The following CEP290 variants were observed in gnomAD, a reference collection of about 807,000 sequenced individuals.
The protein encoded by CEP290 is centrosomal protein 290.
CEP290 carries 317 observed loss-of-function variants against 344.9 expected under a neutral mutation model. The ratio of observed to expected loss-of-function variants is 0.92; its 90% confidence interval spans 0.84 to 1.01. The LOEUF (loss-of-function observed/expected upper bound fraction) is 1.01, where lower values mean the gene tolerates loss of function less well. Among genes scored for constraint, CEP290 ranks in the 50% least tolerant of loss-of-function variants. CEP290 has a pLI of 0.00. For synonymous variants in CEP290, 932 were observed against 895.8 expected, an observed-to-expected ratio of 1.04 and a Z score of -0.72; for missense variants, 2,754 against 2,761.4, an observed-to-expected ratio of 1.00 and a Z score of 0.06.
rs1406032550 is a variant in CEP290, at chr12:88,117,098, C to T, written c.1759G>A (p.Asp587Asn). 1 of 1,561,372 alleles carries T rather than the reference C, an allele frequency of 6.4e-7. No homozygotes were observed. The highest frequency in any genetic ancestry group is 8.7e-7 in the Non-Finnish European group (1 of 1,149,980). The change falls in exon 18 of 54, where the codon GAT (aspartate) becomes AAT (asparagine). Residue 587 changes from aspartate (D) to asparagine (N), a missense_variant. Coordinates refer to ENST00000552810, the MANE Select transcript of CEP290 (RefSeq NM_025114.4). ...TCCAATTTTCTTTCACTTATTCTAT[C>T]TCCTTGAGAAATGTTTTCAGTTAGG... ...LNLTENISQGDRISERKLDLL... is the reference protein window; with the variant it reads ...LNLTENISQGNRISERKLDLL...
chr12:88,057,978 T>A (rs895380796), intron 49 of CEP290: 4 of 152,312 alleles, frequency 2.6e-5, no homozygotes, highest in African/African-American at 9.7e-5. Context: ...AAGATGAGTA[T>A]GCCTTTTGAA....
rs1269048571 is a variant in CEP290 at position 88,120,097 on chromosome 12, C to T, written c.1522+17G>A. The T allele has an allele frequency of 5.5e-6, 8 of 1,456,132 alleles. No individual in the cohort carries two copies. The highest frequency in any genetic ancestry group is 7.3e-6 in the Non-Finnish European group (8 of 1,100,180). 90.2% of individuals were successfully genotyped at this position (1,456,132 alleles called of 1,614,324 possible). On this transcript the variant is annotated intron_variant, in intron 15 of 53. Coordinates refer to ENST00000552810, the MANE Select transcript of CEP290 (RefSeq NM_025114.4). ...AAATCAGGTTGCGCAAACTATGTAA[C>T]TTAAAACATGGCTTACCCACACGCT... is the stretch of plus-strand genomic sequence containing the variant.
intron 18 of CEP290, chr12:88,115,724 T>C: frequency 2.2e-6 from 2 of 913,740 alleles, no homozygotes; most frequent in Non-Finnish European, 2.6e-6. Context: ...AGAGACGTCA[T>C]AAAAGAACAA....
chr12:88,115,415 G>A, intron 18 of CEP290: 1 of 1,085,122 alleles, frequency 9.2e-7, no homozygotes, highest in South Asian at 1.4e-5. Context: ...GAGGCAAAAA[G>A]ATATAACGGT....
chr12:88,138,686 T>C (rs2040472536), intron 5 of CEP290, among the ~76,000 whole-genome samples: 1 of 152,118 alleles, frequency 6.6e-6, no homozygotes, highest in Admixed American at 6.5e-5. Context: ...CATCCTCCTC[T>C]CCTAACACAA....
rs1370883149 is a variant in CEP290 at position 88,062,715 on chromosome 12, G to A, written c.6334C>T (p.Arg2112Trp). Residue 2112 changes from arginine (R) to tryptophan (W), a missense_variant, in exon 46 of 54, where the codon CGG (arginine) becomes TGG (tryptophan). Arg to Trp is a moderately radical substitution (Grantham distance 101, BLOSUM62 -3). Transcript: ENST00000552810. Reference sequence around the variant, plus strand: ...ACCCCTCTAACATGGCCAAGTTTCCGCTGAACTTCTGCTTTTTCTTTCTTA... The same window carrying A: ...ACCCCTCTAACATGGCCAAGTTTCCACTGAACTTCTGCTTTTTCTTTCTTA... The part of the protein sequence containing the change: ...FLKKEKAEVQ[R>W]KLGHVRGSGR... 3.1e-6 allele frequency: 5 copies of A among 1,603,608 alleles called. No homozygotes were observed. Among genetic ancestry groups the A allele is most frequent in the Non-Finnish European group, 2.6e-6 (3 of 1,174,508 alleles).
In CEP290 at chr12:88,071,891, A is replaced by G. The variant is rs2035404611; in HGVS notation, c.5745T>C (p.Gly1915=). 3 of 1,602,572 alleles carry G rather than the reference A, an allele frequency of 1.9e-6. No homozygotes were observed. Among genetic ancestry groups the G allele is most frequent in the African/African-American group, 2.7e-5 (2 of 74,478 alleles). The change falls in exon 42 of 54, where the codon GGT becomes GGC. Residue 1915 remains glycine (G), a synonymous_variant. Transcript: ENST00000552810. ...CTTCTATTTTGGCTTGCCACTTTTT[A>G]CCTTCTTCCCACCTAATTAATTCTT... The part of the protein sequence containing the change: ...AKEELIRWEE[G]KKWQAKIEGI...
intron 26 of CEP290, among the ~76,000 whole-genome samples, chr12:88,102,133 T>C (rs1414758077): frequency 2.6e-5 from 4 of 152,142 alleles, no homozygotes; most frequent in Admixed American, 2.6e-4. Flanking sequence ...GATGAACAAA[T>C]CAGGAGCTTG....
chr12:88,082,115 A>C (rs2036241471), intron 37 of CEP290, among the ~76,000 whole-genome samples: 1 of 152,206 alleles, frequency 6.6e-6, no homozygotes, highest in Non-Finnish European at 1.5e-5. Context: ...CAATTTTCTC[A>C]TGTTTTTTCA....
chr12:88,060,063 A>G, intron 47 of CEP290, 43 bp from the exon 48 acceptor site: 1 of 1,406,498 alleles, frequency 7.1e-7, no homozygotes, highest in South Asian at 1.4e-5. Context: ...CATTATCAAA[A>G]CAAGGAAATA....
At chr12:88,092,535 G>T (rs180794441) in intron 29 of CEP290, 146 bp downstream of exon 29, 2 of 575,250 alleles carry the variant, frequency 3.5e-6, no homozygotes, top group African/African-American at 2.0e-5. Flanking sequence ...TGTTAAAACC[G>T]ATCTTAATAT....
intron 18 of CEP290, 140 bp from the exon 19 acceptor site, chr12:88,115,322 T>C: frequency 1.5e-6 from 1 of 672,954 alleles, no homozygotes; most frequent in Non-Finnish European, 2.4e-6. Context: ...ATAGCAGCAA[T>C]CATAAAAATA....
rs773705200 is a variant in CEP290, at chr12:88,128,923, T to C, written c.942+23A>G. The C allele has an allele frequency of 2.2e-5, 31 of 1,393,988 alleles. No individual in the cohort carries two copies. The Admixed American group carries it at 5.4e-4, about 24-fold the overall frequency. The allele number at this position is 1,393,988 out of a possible 1,614,324, so 86.4% of individuals were successfully genotyped here. On this transcript the variant is annotated intron_variant, in intron 11 of 53. Transcript: ENST00000552810. ...TCTAAAATACAAAAAGAAAAAGTTATTATGTCAATTGAAAAAAAATACCTT... is the reference window on the plus strand; with the variant it reads ...TCTAAAATACAAAAAGAAAAAGTTACTATGTCAATTGAAAAAAAATACCTT...
At chr12:88,113,275 A>C (rs1263195396) in intron 20 of CEP290, among the ~76,000 whole-genome samples, 1 of 152,106 alleles carries the variant, frequency 6.6e-6, no homozygotes, top group East Asian at 1.9e-4. Context: ...GGGACACAGT[A>C]TCAGTAGTGG....
intron 6 of CEP290, among the ~76,000 whole-genome samples, chr12:88,133,385 CCT>C (rs958024844): frequency 6.6e-6 from 1 of 152,100 alleles, no homozygotes; most frequent in Non-Finnish European, 1.5e-5. Flanking sequence ...CCACGCTTGA[CCT>C]CTCATTCTCT....
intron 44 of CEP290, among the ~76,000 whole-genome samples, chr12:88,066,067 G>A (rs1050382041): frequency 1.3e-5 from 2 of 152,028 alleles, no homozygotes; most frequent in African/African-American, 4.8e-5. Context: ...GAAAAAAAGT[G>A]TTATGAATTA....
At chr12:88,059,223 T>G (rs1247617180) in intron 48 of CEP290, among the ~76,000 whole-genome samples, 1 of 152,038 alleles carries the variant, frequency 6.6e-6, no homozygotes, top group African/African-American at 2.4e-5. Flanking sequence ...ATCACGAAAA[T>G]GAGGTCAGAG....
intron 6 of CEP290, among the ~76,000 whole-genome samples, chr12:88,135,475 A>C (rs2040306502): frequency 6.6e-6 from 1 of 152,136 alleles, no homozygotes; most frequent in Non-Finnish European, 1.5e-5. Context: ...ATCCTTGATG[A>C]CTATTAAAAA....
Position 88,118,583 on chromosome 12 carries a change from AATT to A in CEP290, c.1624-16_1624-14del. 6.2e-7 allele frequency: 1 copy of A among 1,607,892 alleles called. No individual in the cohort carries two copies. The highest frequency in any genetic ancestry group is 8.5e-7 in the Non-Finnish European group (1 of 1,175,822). On this transcript the variant is annotated splice_polypyrimidine_tract_variant and intron_variant, in intron 16 of 53. Transcript: ENST00000552810. Reference sequence around the variant, plus strand: ...CTAGACTTTCAATCTGCAAAGTATAAATTATTAGTATTTCTCTATAGTTCAGCC... The same window carrying A: ...CTAGACTTTCAATCTGCAAAGTATAAATTAGTATTTCTCTATAGTTCAGCC...
Sources: gnomAD v4.1 joint callset for allele counts (sites outside exome capture counted in the v4.1 genomes callset) on GRCh38, gnomAD v4.1.1 for gene constraint, MANE v1.5 for transcripts, NCBI Gene and HGNC (gene_info 2026-07-23, HGNC 2026-07-21) for gene names.